Variants in HDAC9 observed in about 807,000 individuals in gnomAD.
The protein encoded by HDAC9 is MEF-2 interacting transcription repressor (MITR) protein.
Under a neutral mutation model 139.4 loss-of-function variants are expected in HDAC9, and 41 were observed. The ratio of observed to expected loss-of-function variants is 0.29; its 90% CI spans 0.23 to 0.38. The LOEUF is 0.38. HDAC9 is among the 10% of genes least tolerant of loss of function. HDAC9 has a pLI of 1.00. For synonymous variants in HDAC9, 517 were observed against 476.2 expected (o/e 1.09, Z -1.12); for missense variants, 1,147 against 1,297.0 (o/e 0.88, Z 1.78).
At chr7:18,665,791 C>A (rs897063363) in intron 11 of HDAC9, among the ~76,000 whole-genome samples, 15 of 152,064 alleles carry the variant, frequency 9.9e-5, no homozygotes, top group African/African-American at 3.6e-4. Flanking sequence ...GTTTAACATT[C>A]GTTGAAAAAT....
At chr7:18,879,074 A>G (rs1374579206) in intron 22 of HDAC9, among the ~76,000 whole-genome samples, 1 of 152,158 alleles carries the variant, frequency 6.6e-6, no homozygotes, top group Admixed American at 6.6e-5. Context: ...CACAGAAAGA[A>G]TAAAACACCT....
chr7:18,564,007 TTG>T (rs1190893809), intron 2 of HDAC9, among the ~76,000 whole-genome samples: 11 of 152,034 alleles, frequency 7.2e-5, no homozygotes, highest in Admixed American at 7.2e-4. Context: ...AGCTAATTGT[TTG>T]TATTTTTAGT....
chr7:18,281,662 C>T (rs1797116169), intron 2 of HDAC9, among the ~76,000 whole-genome samples: 1 of 152,288 alleles, frequency 6.6e-6, no homozygotes, highest in South Asian at 2.1e-4. Flanking sequence ...GTAACCATCA[C>T]CTTGTGCAGA....
rs1434888765 is a variant in HDAC9, at chr7:18,874,614, G to GA, written c.2803+19dup. On this transcript the variant is annotated intron_variant, in intron 22 of 25. Transcript: ENST00000686413. ...GGCAAAATGTAAGTACCTCTTTCAG[G>GA]ACTTTACGAAAGGCTCTGATATCAT... The GA allele has an allele frequency of 1.4e-6, 2 of 1,438,910 alleles. No homozygotes were observed. Among genetic ancestry groups the GA allele is most frequent in the Non-Finnish European group, 1.9e-6 (2 of 1,039,512 alleles). The allele number at this position is 1,438,910 out of a possible 1,614,324, so 89.1% of individuals were successfully genotyped here.
At chr7:18,706,160 C>CCTTT (rs1783892263) in intron 12 of HDAC9, among the ~76,000 whole-genome samples, 9 of 86,750 alleles carry the variant, frequency 1.0e-4, no homozygotes, top group African/African-American at 3.4e-4. Flanking sequence ...GAAAGTTTTC[C>CCTTT]TTTTTTTTTT....
At chr7:18,833,223 G>C (rs1585121480) in intron 19 of HDAC9, among the ~76,000 whole-genome samples, 1 of 152,210 alleles carries the variant, frequency 6.6e-6, no homozygotes, top group East Asian at 1.9e-4. Context: ...CTGTGAACAG[G>C]ATTTTATTTC....
At chr7:18,681,596 G>A (rs1405669122) in intron 12 of HDAC9, among the ~76,000 whole-genome samples, 1 of 152,034 alleles carries the variant, frequency 6.6e-6, no homozygotes, top group Admixed American at 6.6e-5. Flanking sequence ...ACTTCCATGA[G>A]TCAAAGTTAC....
At chr7:18,799,459 C>T (rs937271575) in intron 17 of HDAC9, among the ~76,000 whole-genome samples, 2 of 152,256 alleles carry the variant, frequency 1.3e-5, no homozygotes, top group Admixed American at 1.3e-4. Context: ...GCTCAGTTAT[C>T]AGACTTACTA....
chr7:18,421,525 A>G (rs1789617350), intron 1 of HDAC9, among the ~76,000 whole-genome samples: 1 of 152,166 alleles, frequency 6.6e-6, no homozygotes. Flanking sequence ...GAAATAGAAT[A>G]AAACAGAAAG....
intron 1 of HDAC9, among the ~76,000 whole-genome samples, chr7:18,377,369 T>C (rs534717950): frequency 1.3e-5 from 2 of 152,308 alleles, no homozygotes; most frequent in South Asian, 4.1e-4. Context: ...TGTTTGGTTT[T>C]CTAGAGGTTT....
chr7:18,866,727 G>C (rs973984893), intron 21 of HDAC9, among the ~76,000 whole-genome samples: 7 of 152,190 alleles, frequency 4.6e-5, no homozygotes, highest in Non-Finnish European at 7.3e-5. Flanking sequence ...GTTGCAGGCT[G>C]TGGAACCAAG....
chr7:18,359,789 A>G (rs1309794790), intron 1 of HDAC9, among the ~76,000 whole-genome samples: 1 of 152,090 alleles, frequency 6.6e-6, no homozygotes, highest in Admixed American at 6.6e-5. Flanking sequence ...TTGTATTTTT[A>G]GTAGAGACAG....
At chr7:18,618,440 G>A (rs1285345779) in intron 6 of HDAC9, among the ~76,000 whole-genome samples, 2 of 151,954 alleles carry the variant, frequency 1.3e-5, no homozygotes, top group Admixed American at 6.6e-5. Context: ...GATATTATCA[G>A]GGGATAGGTA....
chr7:18,107,142 C>T (rs1202599987), intron 1 of HDAC9, among the ~76,000 whole-genome samples: 1 of 152,140 alleles, frequency 6.6e-6, no homozygotes, highest in Non-Finnish European at 1.5e-5. Context: ...GCCCCCTCTC[C>T]CCTGCCCTGT....
intron 13 of HDAC9, among the ~76,000 whole-genome samples, chr7:18,744,894 C>T (rs953159095): frequency 1.3e-5 from 2 of 151,788 alleles, no homozygotes; most frequent in Admixed American, 6.6e-5. Flanking sequence ...TACATATATA[C>T]GTATATATGT....
intron 1 of HDAC9, among the ~76,000 whole-genome samples, chr7:18,409,237 G>A (rs771187592): frequency 1.3e-5 from 2 of 152,130 alleles, no homozygotes; most frequent in Non-Finnish European, 2.9e-5. Flanking sequence ...GTACCCTGGC[G>A]ATACATGACT....
At chr7:18,448,013 G>A (rs1792453077) in intron 1 of HDAC9, among the ~76,000 whole-genome samples, 1 of 152,010 alleles carries the variant, frequency 6.6e-6, no homozygotes, top group Non-Finnish European at 1.5e-5. Flanking sequence ...GCTAATTTTT[G>A]TATTTGTAGT....
intron 1 of HDAC9, among the ~76,000 whole-genome samples, chr7:18,441,237 T>C (rs1293660565): frequency 1.3e-5 from 2 of 152,246 alleles, no homozygotes; most frequent in Non-Finnish European, 2.9e-5. Context: ...CAGTGCTGTG[T>C]AGACATCTGA....
At chr7:18,668,922 T>TAA in intron 12 of HDAC9, 1 of 975,380 alleles carries the variant, frequency 1.0e-6, no homozygotes, top group Non-Finnish European at 1.2e-6. Flanking sequence ...ATCTCATATA[T>TAA]CAAAATACAT....
Sources: allele counts gnomAD v4.1 joint callset (sites outside exome capture counted in the v4.1 genomes callset), GRCh38; gene constraint gnomAD v4.1.1; transcripts MANE v1.5; gene names NCBI Gene and HGNC (gene_info 2026-07-23, HGNC 2026-07-21).